The following LRRC7 variants were observed in gnomAD, a reference collection of about 807,000 sequenced individuals.
The protein encoded by LRRC7 is leucine rich repeat containing 7, also known as leucine-rich repeat-containing protein 7.
LRRC7 carries 23 observed loss-of-function variants against 175.7 expected under a neutral mutation model. That is an observed-to-expected ratio of 0.13 (90% CI 0.09 to 0.19). LRRC7 has a LOEUF of 0.19. Ranked by LOEUF, LRRC7 falls within the 10% of genes least tolerant of loss-of-function variation. The probability of loss-of-function intolerance (pLI) is 1.00; values close to 1 mark genes in which losing one functional copy is unlikely to be tolerated. For missense variants in LRRC7, 1,354 were observed against 1,904.7 expected (o/e 0.71, Z 5.38); for synonymous variants, 685 against 680.9 (o/e 1.01, Z -0.09).
intron 1 of LRRC7, among the ~76,000 whole-genome samples, chr1:69,651,013 A>G (rs1288071190): frequency 6.6e-6 from 1 of 152,214 alleles, no homozygotes; most frequent in Non-Finnish European, 1.5e-5. Context: ...GCATCGAGCT[A>G]AATTATTCCC....
intron 24 of LRRC7, among the ~76,000 whole-genome samples, chr1:70,078,818 A>T (rs1313493479): frequency 1.2e-4 from 17 of 140,768 alleles, no homozygotes; most frequent in Non-Finnish European, 2.6e-4. Flanking sequence ...GCGCACACAC[A>T]CACACGCACA....
At chr1:69,918,040 T>C (rs138041200) in intron 7 of LRRC7, among the ~76,000 whole-genome samples, 1 of 152,178 alleles carries the variant, frequency 6.6e-6, no homozygotes, top group South Asian at 2.1e-4. Context: ...TACTGAACTG[T>C]TTGTTGTTCC....
chr1:69,630,506 A>G (rs17396516), intron 1 of LRRC7, among the ~76,000 whole-genome samples: 19,523 of 152,122 alleles, frequency 0.13, 1,599 homozygotes, highest in South Asian at 0.19. Context: ...TTTTGTTATT[A>G]GTAACGAATA....
intron 4 of LRRC7, among the ~76,000 whole-genome samples, chr1:69,808,600 T>TAAG (rs1483411396): frequency 6.6e-6 from 1 of 152,072 alleles, no homozygotes; most frequent in Admixed American, 6.6e-5. Flanking sequence ...AACTTAGAAT[T>TAAG]AAGAAACTCA....
chr1:69,905,700 T>C (rs554992245), intron 7 of LRRC7, among the ~76,000 whole-genome samples: 8 of 152,344 alleles, frequency 5.3e-5, no homozygotes, highest in African/African-American at 1.9e-4. Context: ...CTATTGTGAA[T>C]AGTGCTGCAA....
intron 10 of LRRC7, among the ~76,000 whole-genome samples, chr1:69,988,061 T>C (rs1433668109): frequency 1.3e-5 from 2 of 152,320 alleles, no homozygotes; most frequent in South Asian, 2.1e-4. Context: ...AGTATGATTA[T>C]AGAGAACATC....
chr1:69,748,272 A>G (rs1231588017), intron 2 of LRRC7, among the ~76,000 whole-genome samples: 3 of 152,176 alleles, frequency 2.0e-5, no homozygotes, highest in Non-Finnish European at 4.4e-5. Flanking sequence ...ACAGCATGAA[A>G]TAACATTTTA....
chr1:69,907,730 G>A (rs1429671698), intron 7 of LRRC7, among the ~76,000 whole-genome samples: 1 of 152,002 alleles, frequency 6.6e-6, no homozygotes, highest in African/African-American at 2.4e-5. Flanking sequence ...CTCTTTTTTG[G>A]TTGTGTCTCT....
At chr1:69,713,879 G>C (rs1056707083) in intron 2 of LRRC7, among the ~76,000 whole-genome samples, 1 of 151,938 alleles carries the variant, frequency 6.6e-6, no homozygotes, top group African/African-American at 2.4e-5. Context: ...GAATGCTTGT[G>C]TATCAGACAC....
intron 3 of LRRC7, 21 bp from the exon 4 acceptor site, chr1:69,792,022 A>C (rs748039159): frequency 3.1e-5 from 43 of 1,405,088 alleles, no homozygotes; most frequent in Non-Finnish European, 4.3e-5. Flanking sequence ...AGATCTAATT[A>C]ATGATTATTT....
intron 7 of LRRC7, among the ~76,000 whole-genome samples, chr1:69,846,899 T>G (rs984289268): frequency 4.6e-5 from 7 of 152,232 alleles, no homozygotes; most frequent in Admixed American, 4.6e-4. Context: ...GAAATAATGT[T>G]ATTTTTAGTT....
chr1:69,781,786 A>G lies in LRRC7; in HGVS notation c.304-10257A>G, dbSNP rs12042558. Among the ~76,000 whole-genome samples, 255 of 28,102 alleles carry G rather than the reference A, an allele frequency of 9.1e-3. 7 individuals are homozygous for G. The highest frequency in any genetic ancestry group is 0.013 in the African/African-American group (61 of 4,632). 18.4% of individuals were successfully genotyped at this position (28,102 alleles called of 152,430 possible). A position where few individuals can be genotyped will look rare whatever the true frequency, so the allele number is the denominator to read the frequency against. Reference sequence around the variant, plus strand: ...GAGAGAAAGAAAGAAAGAAAGAAAGAAAGGAAGGAAGGAAGGAAGGAAGGA... The same window carrying G: ...GAGAGAAAGAAAGAAAGAAAGAAAGGAAGGAAGGAAGGAAGGAAGGAAGGA... On this transcript the variant is annotated intron_variant, in intron 3 of 26. Coordinates refer to ENST00000651989, the MANE Select transcript of LRRC7 (RefSeq NM_001370785.2).
intron 3 of LRRC7, among the ~76,000 whole-genome samples, chr1:69,788,509 G>A (rs536938052): frequency 7.2e-5 from 11 of 152,224 alleles, no homozygotes; most frequent in South Asian, 4.1e-4. Context: ...TTTTAGATGC[G>A]TATAGATGTT....
chr1:69,913,657 ACC>A, intron 7 of LRRC7, among the ~76,000 whole-genome samples: 1 of 151,988 alleles, frequency 6.6e-6, no homozygotes, highest in Non-Finnish European at 1.5e-5. Context: ...GATTACAGGC[ACC>A]CATGACCACG....
intron 23 of LRRC7, among the ~76,000 whole-genome samples, chr1:70,071,970 G>A (rs1377961548): frequency 6.6e-6 from 1 of 152,100 alleles, no homozygotes; most frequent in Non-Finnish European, 1.5e-5. Context: ...ATTTGCTGTG[G>A]GATGAATTTT....
chr1:70,064,215 T>G (rs1262695558), intron 23 of LRRC7, among the ~76,000 whole-genome samples: 3 of 152,004 alleles, frequency 2.0e-5, no homozygotes, highest in African/African-American at 4.8e-5. Context: ...GTTTGTCTTC[T>G]GACACTGAAA....
At chr1:69,611,892 A>C (rs962780403) in intron 1 of LRRC7, among the ~76,000 whole-genome samples, 2 of 152,046 alleles carry the variant, frequency 1.3e-5, no homozygotes, top group African/African-American at 4.8e-5. Context: ...GTGCACATCG[A>C]ATGACTCAAA....
At chr1:69,722,085 G>C (rs1313065209) in intron 2 of LRRC7, among the ~76,000 whole-genome samples, 1 of 151,696 alleles carries the variant, frequency 6.6e-6, no homozygotes, top group African/African-American at 2.4e-5. Flanking sequence ...GGCATTATCA[G>C]CTTCTTATAT....
chr1:69,759,485 C>T (rs1238177047), intron 2 of LRRC7, among the ~76,000 whole-genome samples: 1 of 151,962 alleles, frequency 6.6e-6, no homozygotes, highest in African/African-American at 2.4e-5. Context: ...TCAGGAGTGT[C>T]ACAGGAATTT....
Sources: gnomAD v4.1 joint callset for allele counts (sites outside exome capture counted in the v4.1 genomes callset) on GRCh38, gnomAD v4.1.1 for gene constraint, MANE v1.5 for transcripts, NCBI Gene and HGNC (gene_info 2026-07-23, HGNC 2026-07-21) for gene names.